Variants in IMMT observed in about 807,000 individuals in gnomAD.
IMMT encodes MICOS complex subunit MIC60.
IMMT carries 40 observed loss-of-function variants against 92.7 expected under a neutral mutation model. That is an observed-to-expected ratio of 0.43 (90% CI 0.34 to 0.56). The LOEUF is 0.56. IMMT is among the 20% of genes least tolerant of loss of function. The pLI, the probability that IMMT is intolerant of heterozygous loss-of-function variation, is 0.03. For missense variants in IMMT, 831 were observed against 912.1 expected (o/e 0.91, Z 1.14); for synonymous variants, 322 against 336.1 (o/e 0.96, Z 0.46).
chr2:86,155,554 G>A (rs1051573037), intron 10 of IMMT, among the ~76,000 whole-genome samples: 5 of 152,130 alleles, frequency 3.3e-5, no homozygotes, highest in African/African-American at 1.2e-4. Flanking sequence ...CTCAGTGCCC[G>A]GTACAAAATA....
chr2:86,160,898 C>T (rs1330290127), intron 8 of IMMT, among the ~76,000 whole-genome samples: 1 of 152,156 alleles, frequency 6.6e-6, no homozygotes, highest in African/African-American at 2.4e-5. Flanking sequence ...TGTAGAGATA[C>T]ATCATCTAAG....
rs1278877060 is a variant in IMMT at position 86,161,946 on chromosome 2, A to G, written c.896+30T>C. On this transcript the variant is annotated intron_variant, in intron 8 of 14. Coordinates refer to ENST00000410111, the MANE Select transcript of IMMT (RefSeq NM_006839.3). The stretch of plus-strand genomic sequence containing the variant: ...CCAAAGAAAGCCACCAGGAGGCCCT[A>G]ATTACTTGTTAAAGTCCATGAGTAA... 4 of 1,451,316 alleles carry G rather than the reference A, an allele frequency of 2.8e-6. No individual in the cohort carries two copies. In the African/African-American group the frequency reaches 4.2e-5, roughly 15 times the overall value. The allele number at this position is 1,451,316 out of a possible 1,614,324, so 89.9% of individuals were successfully genotyped here.
At chr2:86,167,134 T>C (rs1276041793) in intron 6 of IMMT, among the ~76,000 whole-genome samples, 1 of 148,780 alleles carries the variant, frequency 6.7e-6, no homozygotes, top group Non-Finnish European at 1.5e-5. Flanking sequence ...ACTGATAATT[T>C]AGTCTGGATG....
At chr2:86,157,797 A>G (rs544880125) in intron 10 of IMMT, among the ~76,000 whole-genome samples, 8 of 128,544 alleles carry the variant, frequency 6.2e-5, no homozygotes, top group Admixed American at 3.9e-4. Context: ...TCAAAAAAAA[A>G]AAAAAAGAAA....
chr2:86,187,517 A>G (rs1672854026), intron 1 of IMMT, among the ~76,000 whole-genome samples: 1 of 152,200 alleles, frequency 6.6e-6, no homozygotes, highest in Non-Finnish European at 1.5e-5. Flanking sequence ...ATTGTGAATA[A>G]TGTTGCTATG....
intron 11 of IMMT, among the ~76,000 whole-genome samples, chr2:86,152,440 CAAAAA>C (rs772186185): frequency 3.9e-5 from 3 of 76,858 alleles, no homozygotes; most frequent in Admixed American, 3.3e-4. Context: ...GACTCCATCT[CAAAAA>C]AAAAAAAAAA....
At chr2:86,191,642 G>A (rs898580454) in intron 1 of IMMT, among the ~76,000 whole-genome samples, 2 of 151,334 alleles carry the variant, frequency 1.3e-5, no homozygotes, top group African/African-American at 2.4e-5. Flanking sequence ...GGTGGCTCAC[G>A]CCTGTAATCC....
chr2:86,164,098 C>T (rs1474547906), intron 7 of IMMT, among the ~76,000 whole-genome samples: 1 of 73,344 alleles, frequency 1.4e-5, no homozygotes, highest in African/African-American at 4.6e-5. Flanking sequence ...ATTCTTGTTG[C>T]CCAGGCTGGA....
At chr2:86,145,968 G>A (rs1443753089) in intron 14 of IMMT, 100 bp downstream of exon 14, 1 of 906,398 alleles carries the variant, frequency 1.1e-6, no homozygotes, top group African/African-American at 1.7e-5. Flanking sequence ...GTATTTTTAT[G>A]TCCTGATGTC....
At position 86,145,402 on chromosome 2, in the gene IMMT, G is replaced by A. The variant is rs187127868; in HGVS notation, c.1664-521C>T. ...CCCAGCTACTCAGGAGTCTGAGGCA[G>A]GAGAATCGCTTGAACCCAGGAGGCG... On this transcript the variant is annotated intron_variant, in intron 14 of 14. Coordinates refer to ENST00000410111, the MANE Select transcript of IMMT (RefSeq NM_006839.3). Among the ~76,000 whole-genome samples the A allele has an allele frequency of 2.9e-3, 433 of 151,152 alleles. 2 individuals carry two copies. The highest frequency in any genetic ancestry group is 5.0e-3 in the Non-Finnish European group (338 of 67,906).
chr2:86,173,412 C>A, intron 4 of IMMT: 1 of 382,014 alleles, frequency 2.6e-6, no homozygotes, highest in Non-Finnish European at 4.8e-6. Flanking sequence ...GAAACTCCGC[C>A]TCTACTAAAA....
intron 6 of IMMT, among the ~76,000 whole-genome samples, chr2:86,168,730 G>A (rs1041768306): frequency 1.3e-5 from 2 of 152,138 alleles, no homozygotes; most frequent in Non-Finnish European, 2.9e-5. Flanking sequence ...AACTAGCAAT[G>A]AACAAATGGA....
intron 11 of IMMT, among the ~76,000 whole-genome samples, chr2:86,152,744 A>G (rs1171135941): frequency 1.4e-5 from 2 of 144,208 alleles, no homozygotes; most frequent in Non-Finnish European, 1.5e-5. Context: ...CTGGTGACAG[A>G]GCAAGACCTT....
At chr2:86,157,096 T>C (rs1675908924) in intron 10 of IMMT, among the ~76,000 whole-genome samples, 3 of 152,162 alleles carry the variant, frequency 2.0e-5, no homozygotes, top group Non-Finnish European at 2.9e-5. Flanking sequence ...CAAGGATAAA[T>C]TGTCCACAAT....
rs546895630 is a variant in IMMT at position 86,188,490 on chromosome 2, C to T, written c.45+6848G>A. ...CGAGACTGGAGTGCTGTGGCACCATCATGGTTCACTGCAGCCTCGACCTCA... is the reference window on the plus strand; with the variant it reads ...CGAGACTGGAGTGCTGTGGCACCATTATGGTTCACTGCAGCCTCGACCTCA... On this transcript the variant is annotated intron_variant, in intron 1 of 14. Transcript: ENST00000410111. Among the ~76,000 whole-genome samples the T allele has an allele frequency of 2.6e-5, 4 of 152,184 alleles. No homozygotes were observed. In the East Asian group the frequency reaches 7.7e-4, roughly 29 times the overall value.
chr2:86,167,121 A>G (rs560712644), intron 6 of IMMT, among the ~76,000 whole-genome samples: 32 of 150,634 alleles, frequency 2.1e-4, no homozygotes, highest in African/African-American at 7.6e-4. Flanking sequence ...AACATGGTAA[A>G]ATACTGATAA....
At position 86,166,565 on chromosome 2, in the gene IMMT, C is replaced by T. The variant is rs758784037; in HGVS notation, c.735G>A (p.Ala245=). The change falls in exon 7 of 15, where the codon GCG becomes GCA. Residue 245 remains alanine, a synonymous_variant. Coordinates refer to ENST00000410111, the MANE Select transcript of IMMT (RefSeq NM_006839.3). ...TLQAIAAQNA[A]VQAVNAHSNI... ...TGGAGTGTGCATTGACAGCCTGGACCGCAGCATTCTGAGCTGCAATAGCCT... is the reference window on the plus strand; with the variant it reads ...TGGAGTGTGCATTGACAGCCTGGACTGCAGCATTCTGAGCTGCAATAGCCT... 26 of 1,613,014 alleles carry T rather than the reference C, an allele frequency of 1.6e-5. No homozygotes were observed. The highest frequency in any genetic ancestry group is 1.3e-4 in the South Asian group (12 of 91,044).
intron 12 of IMMT, among the ~76,000 whole-genome samples, chr2:86,148,035 T>C (rs1199709609): frequency 6.6e-6 from 1 of 152,210 alleles, no homozygotes; most frequent in Non-Finnish European, 1.5e-5. Flanking sequence ...ATCACACAGC[T>C]GTGGCAAAAA....
At chr2:86,179,752 A>C in intron 2 of IMMT, 130 bp from the exon 3 acceptor site, 1 of 627,600 alleles carries the variant, frequency 1.6e-6, no homozygotes. Flanking sequence ...CATAGCAGCC[A>C]AGTTTACCAC....
Sources: allele counts gnomAD v4.1 joint callset (sites outside exome capture counted in the v4.1 genomes callset), GRCh38; gene constraint gnomAD v4.1.1; transcripts MANE v1.5; gene names NCBI Gene and HGNC (gene_info 2026-07-23, HGNC 2026-07-21).